Variants in CTNNA2 observed in about 807,000 individuals in gnomAD.
CTNNA2 encodes the protein catenin alpha-2.
In CTNNA2, 42 loss-of-function variants were observed where a neutral mutation model predicts 101.0. That is an observed-to-expected ratio of 0.42 (90% CI 0.32 to 0.54). CTNNA2 has a LOEUF of 0.54. Among genes scored for constraint, CTNNA2 ranks in the 20% least tolerant of loss-of-function variants. The pLI is 0.14. For missense variants in CTNNA2, 871 were observed against 1,223.1 expected, an observed-to-expected ratio of 0.71 and a Z score of 4.29; for synonymous variants, 450 against 456.4, an observed-to-expected ratio of 0.99 and a Z score of 0.18.
In CTNNA2 at chr2:79,874,151, T is replaced by C; in HGVS notation, c.661T>C (p.Tyr221His). 6.2e-7 allele frequency: 1 copy of C among 1,614,214 alleles called. No homozygotes were observed. Among genetic ancestry groups the C allele is most frequent in the Non-Finnish European group, 8.5e-7 (1 of 1,180,050 alleles). Residue 221 changes from tyrosine (Y) to histidine (H), a missense_variant, in exon 6 of 19, where the codon TAC (tyrosine) becomes CAC (histidine). Tyr to His is a moderately conservative substitution (Grantham distance 83). Around this residue, in one of 5 missense-constraint regions of CTNNA2, gnomAD observed 647 missense variants for 831.5 expected, o/e 0.78. Transcript: ENST00000402739. ...GALKKNATML[Y>H]TASQAFLRHP... The stretch of plus-strand genomic sequence containing the variant: ...TCTGAAGAAGAATGCCACAATGCTG[T>C]ACACGGCCTCTCAAGCATTTCTCCG...
intron 4 of CTNNA2, among the ~76,000 whole-genome samples, chr2:79,425,794 G>A (rs1678587003): frequency 6.6e-6 from 1 of 152,094 alleles, no homozygotes; most frequent in African/African-American, 2.4e-5. Context: ...ACAGAGTATT[G>A]TATTCTGAAA....
At chr2:79,835,437 AGAGTGACATAT>A (rs1679250248) in intron 3 of CTNNA2, among the ~76,000 whole-genome samples, 1 of 152,132 alleles carries the variant, frequency 6.6e-6, no homozygotes, top group African/African-American at 2.4e-5. Context: ...AGTGACTACT[AGAGTGACATAT>A]GAGAGTAAGC....
chr2:80,414,626 T>A (rs1679877953), intron 8 of CTNNA2, among the ~76,000 whole-genome samples: 1 of 152,226 alleles, frequency 6.6e-6, no homozygotes, highest in South Asian at 2.1e-4. Flanking sequence ...TGAGGACGTA[T>A]GACCCAGAGT....
chr2:80,555,370 T>C (rs1316546089), intron 11 of CTNNA2, among the ~76,000 whole-genome samples: 1 of 152,302 alleles, frequency 6.6e-6, no homozygotes, highest in African/African-American at 2.4e-5. Flanking sequence ...CCTCAGAATG[T>C]TGTCTTCAAA....
Position 80,574,157 on chromosome 2 carries a change from A to C in CTNNA2, c.1742-6A>C. On this transcript the variant is annotated splice_polypyrimidine_tract_variant and splice_region_variant and intron_variant, in intron 12 of 18. Coordinates refer to ENST00000402739, the MANE Select transcript of CTNNA2 (RefSeq NM_001282597.3). ...CCTAATCCTCTGCTTTTTATTTTTA[A>C]CCCAGTGATGCCACGCTTCGCTGAA... 1 of 1,607,886 alleles carries C rather than the reference A, an allele frequency of 6.2e-7. No individual in the cohort carries two copies. The highest frequency in any genetic ancestry group is 2.2e-5 in the East Asian group (1 of 44,742).
intron 7 of CTNNA2, among the ~76,000 whole-genome samples, chr2:80,366,793 T>C (rs1360921138): frequency 6.6e-6 from 1 of 152,182 alleles, no homozygotes; most frequent in Non-Finnish European, 1.5e-5. Context: ...AGGTTGCGGA[T>C]GCACAGCTGT....
intron 9 of CTNNA2, among the ~76,000 whole-genome samples, chr2:80,429,294 G>A (rs1348819364): frequency 6.6e-6 from 1 of 152,080 alleles, no homozygotes; most frequent in Non-Finnish European, 1.5e-5. Context: ...TAATGCTTCT[G>A]ACAACCTTAT....
At chr2:79,731,394 A>C (rs1056224010) in intron 2 of CTNNA2, among the ~76,000 whole-genome samples, 20 of 151,944 alleles carry the variant, frequency 1.3e-4, no homozygotes, top group African/African-American at 1.2e-4. Context: ...TTTCTGAAAA[A>C]CTTTTTCTGA....
chr2:79,305,849 T>C (rs1455176743), intron 2 of CTNNA2, among the ~76,000 whole-genome samples: 2 of 151,846 alleles, frequency 1.3e-5, no homozygotes, highest in Non-Finnish European at 2.9e-5. Context: ...ATCGAGACCA[T>C]CCTGGCTAAC....
intron 7 of CTNNA2, among the ~76,000 whole-genome samples, chr2:80,210,342 G>A (rs956503535): frequency 9.9e-5 from 15 of 151,858 alleles, no homozygotes; most frequent in Admixed American, 2.0e-4. Context: ...TAGGTATATC[G>A]CCTAATGCTA....
chr2:79,672,192 C>G (rs1406700130), intron 2 of CTNNA2, among the ~76,000 whole-genome samples: 1 of 152,190 alleles, frequency 6.6e-6, no homozygotes, highest in African/African-American at 2.4e-5. Flanking sequence ...AACAAAATCC[C>G]TGGCCCCTGC....
intron 9 of CTNNA2, among the ~76,000 whole-genome samples, chr2:80,440,737 C>T (rs1682485651): frequency 6.6e-6 from 1 of 152,128 alleles, no homozygotes; most frequent in Admixed American, 6.5e-5. Flanking sequence ...GCTATGAAAG[C>T]ATATTTGACA....
At chr2:79,841,596 C>T (rs1349395854) in intron 3 of CTNNA2, among the ~76,000 whole-genome samples, 1 of 152,148 alleles carries the variant, frequency 6.6e-6, no homozygotes, top group South Asian at 2.1e-4. Context: ...AAAATAGGTG[C>T]GAAGCAGACT....
chr2:80,352,929 AT>A (rs1673443539), intron 7 of CTNNA2, among the ~76,000 whole-genome samples: 1 of 151,850 alleles, frequency 6.6e-6, no homozygotes, highest in Non-Finnish European at 1.5e-5. Flanking sequence ...AAAAAAAAAA[AT>A]AAAGATTCCA....
intron 4 of CTNNA2, among the ~76,000 whole-genome samples, chr2:79,860,064 C>T (rs758751464): frequency 6.6e-6 from 1 of 152,148 alleles, no homozygotes; most frequent in Non-Finnish European, 1.5e-5. Flanking sequence ...GCCATTCCTC[C>T]AGTCTGTCTC....
chr2:79,880,804 G>C (rs1017508398), intron 6 of CTNNA2, among the ~76,000 whole-genome samples: 2 of 151,634 alleles, frequency 1.3e-5, no homozygotes, highest in Admixed American at 1.3e-4. Flanking sequence ...AGGGTTTTTT[G>C]TGTCTCTGTC....
At chr2:80,511,060 T>C (rs1452864348) in intron 9 of CTNNA2, among the ~76,000 whole-genome samples, 3 of 152,146 alleles carry the variant, frequency 2.0e-5, no homozygotes, top group African/African-American at 7.2e-5. Flanking sequence ...TGCAAAGAAT[T>C]GTGAGCAACT....
intron 7 of CTNNA2, among the ~76,000 whole-genome samples, chr2:80,081,452 C>G (rs1473376074): frequency 1.3e-5 from 2 of 152,022 alleles, no homozygotes; most frequent in African/African-American, 4.8e-5. Flanking sequence ...TGGGGTGGCT[C>G]CCTTCAGAAA....
chr2:79,261,864 G>C (rs913795384), intron 2 of CTNNA2, among the ~76,000 whole-genome samples: 4 of 152,180 alleles, frequency 2.6e-5, no homozygotes, highest in Admixed American at 2.6e-4. Flanking sequence ...TATGAAAACT[G>C]TTCAGCTAAC....
Sources: allele counts gnomAD v4.1 joint callset (sites outside exome capture counted in the v4.1 genomes callset), GRCh38; gene constraint gnomAD v4.1.1; regional missense constraint gnomAD v4.1.1; transcripts MANE v1.5; gene names NCBI Gene and HGNC (gene_info 2026-07-23, HGNC 2026-07-21).